KIZ: variants seen among roughly 807,000 people sequenced by gnomAD.
KIZ encodes kizuna centrosomal protein.
A neutral mutation model predicts 79.6 loss-of-function variants in KIZ; 68 were observed. That is an observed-to-expected ratio of 0.85 (90% confidence interval 0.70 to 1.05). The LOEUF is 1.05. Among genes scored for constraint, KIZ ranks in the 50% least tolerant of loss-of-function variants. The probability of loss-of-function intolerance (pLI) is 0.00; values close to 1 mark genes in which losing one functional copy is unlikely to be tolerated. For missense variants in KIZ, 797 were observed against 800.4 expected (o/e 1.00, Z 0.05); for synonymous variants, 280 against 281.8 (o/e 0.99, Z 0.06).
chr20:21,126,063 C>T (rs1473835786), upstream of KIZ: 4 of 1,405,222 alleles, frequency 2.8e-6, no homozygotes, highest in South Asian at 4.2e-5. Flanking sequence ...CTTCGGCAAC[C>T]CCGGCCGAAC....
At chr20:21,201,188 T>A (rs2035583463) in intron 6 of KIZ, among the ~76,000 whole-genome samples, 1 of 151,872 alleles carries the variant, frequency 6.6e-6, no homozygotes, top group African/African-American at 2.4e-5. Flanking sequence ...CAAAAAAAAA[T>A]AACAAAAAGT....
intron 4 of KIZ, among the ~76,000 whole-genome samples, chr20:21,155,757 T>C (rs1353011602): frequency 6.6e-6 from 1 of 152,264 alleles, no homozygotes; most frequent in Admixed American, 6.5e-5. Flanking sequence ...TGTTATGACA[T>C]AGTCTTTATT....
chr20:21,236,894 G>A (rs2037025245), intron 11 of KIZ, among the ~76,000 whole-genome samples: 1 of 151,844 alleles, frequency 6.6e-6, no homozygotes, highest in Admixed American at 6.6e-5. Context: ...CAGCTACTTG[G>A]GAGGATGAGG....
chr20:21,176,220 G>T (rs975250466), intron 6 of KIZ, among the ~76,000 whole-genome samples: 28 of 152,148 alleles, frequency 1.8e-4, no homozygotes, highest in African/African-American at 6.3e-4. Flanking sequence ...TGAGGCACAA[G>T]AATTGCCTGA....
chr20:21,164,404 A>C (rs138825199), intron 6 of KIZ, among the ~76,000 whole-genome samples: 1 of 152,356 alleles, frequency 6.6e-6, no homozygotes, highest in East Asian at 1.9e-4. Context: ...GATTTATTGG[A>C]GAGGCAAGCC....
rs149222912 is a variant in KIZ at position 21,232,951 on chromosome 20, T to C, written c.1880+121T>C. 2.0e-4 allele frequency: 127 copies of C among 630,588 alleles called. No homozygotes were observed. In the East Asian group the frequency reaches 3.1e-3, roughly 15 times the overall value. 39.1% of individuals were successfully genotyped at this position (630,588 alleles called of 1,614,324 possible). A position where few individuals can be genotyped will look rare whatever the true frequency, so the allele number is the denominator to read the frequency against. ...GACTTGGAGGGTTATGGTTTGGGTT[T>C]TTGTTTATCTAAAATAACAGTTGAA... On this transcript the variant is annotated intron_variant, in intron 11 of 12. Coordinates refer to ENST00000619189, the MANE Select transcript of KIZ (RefSeq NM_018474.6).
chr20:21,159,621 A>G (rs1246535820), intron 4 of KIZ, among the ~76,000 whole-genome samples: 1 of 152,148 alleles, frequency 6.6e-6, no homozygotes, highest in Non-Finnish European at 1.5e-5. Context: ...CTTACAGTAT[A>G]TGGTCTTTTA....
chr20:21,225,067 A>G (rs2036616916), intron 9 of KIZ, among the ~76,000 whole-genome samples: 2 of 152,328 alleles, frequency 1.3e-5, no homozygotes, highest in Middle Eastern at 3.4e-3. Context: ...TTATGTAACA[A>G]AGTAAGGGAA....
In KIZ at chr20:21,186,725, C is replaced by T. The variant is rs537776528; in HGVS notation, c.1353-18766C>T. ...ACTAAAATATATCTGAGAATCACTA[C>T]AGTAAAGAAAACAAACTCAAATCTA... On this transcript the variant is annotated intron_variant, in intron 6 of 12. Coordinates refer to ENST00000619189, the MANE Select transcript of KIZ (RefSeq NM_018474.6). Among the ~76,000 whole-genome samples, 201 of 151,884 alleles carry T rather than the reference C, an allele frequency of 1.3e-3. 1 individual carries two copies. Among genetic ancestry groups the T allele is most frequent in the Non-Finnish European group, 1.4e-3 (98 of 67,954 alleles).
In KIZ at chr20:21,163,082, T is replaced by C. The variant is rs770189707; in HGVS notation, c.1275T>C (p.Thr425=). 1.9e-5 allele frequency: 31 copies of C among 1,613,574 alleles called. No individual in the cohort carries two copies. The highest frequency in any genetic ancestry group is 1.3e-4 in the East Asian group (6 of 44,896). The change falls in exon 6 of 13, where the codon ACT becomes ACC. Residue 425 remains threonine, a synonymous_variant. Transcript: ENST00000619189. ...AGCAAGAAAGAGTTGCCCTATCCAC[T>C]GAAAAAAATTGTATTTTGCAAACCC... ...HAEQERVALS[T]EKNCILQTLS...
At chr20:21,127,404 T>C (rs2031550270) in intron 1 of KIZ, among the ~76,000 whole-genome samples, 1 of 152,244 alleles carries the variant, frequency 6.6e-6, no homozygotes, top group Non-Finnish European at 1.5e-5. Flanking sequence ...TTTTGAACTA[T>C]TAATTGTAAG....
intron 7 of KIZ, among the ~76,000 whole-genome samples, chr20:21,207,318 T>A (rs555239615): frequency 3.5e-4 from 54 of 152,240 alleles, no homozygotes; most frequent in Admixed American, 1.3e-3. Flanking sequence ...ACTTTTTTTT[T>A]ATAACATTTC....
chr20:21,169,004 A>G (rs980980524), intron 6 of KIZ, among the ~76,000 whole-genome samples: 5 of 152,328 alleles, frequency 3.3e-5, no homozygotes, highest in African/African-American at 1.2e-4. Flanking sequence ...AGGCAATACC[A>G]TTCAGGCCAT....
At chr20:21,232,229 C>T (rs2036857994) in intron 10 of KIZ, among the ~76,000 whole-genome samples, 1 of 152,184 alleles carries the variant, frequency 6.6e-6, no homozygotes, top group Non-Finnish European at 1.5e-5. Context: ...CCTCCTCAAC[C>T]TTTAGAGGCT....
At chr20:21,141,054 G>T (rs1049091412) in intron 3 of KIZ, among the ~76,000 whole-genome samples, 1 of 151,976 alleles carries the variant, frequency 6.6e-6, no homozygotes, top group South Asian at 2.1e-4. Context: ...ACCCAAGAAT[G>T]TAAATATTAG....
At chr20:21,148,160 C>G (rs2032944375) in intron 4 of KIZ, among the ~76,000 whole-genome samples, 1 of 151,934 alleles carries the variant, frequency 6.6e-6, no homozygotes, top group Admixed American at 6.6e-5. Context: ...GAATGGAGGA[C>G]CTGTATTGGG....
intron 7 of KIZ, among the ~76,000 whole-genome samples, chr20:21,208,797 C>T (rs1387251879): frequency 6.6e-6 from 1 of 152,036 alleles, no homozygotes. Context: ...CAAAATGATG[C>T]AGGCGGGGCA....
chr20:21,166,295 T>C (rs1395496609), intron 6 of KIZ: 1 of 1,602,616 alleles, frequency 6.2e-7, no homozygotes, highest in Non-Finnish European at 8.5e-7. Context: ...GTCAGTACAA[T>C]GAAACCAACT....
chr20:21,142,213 A>G (rs1232520721), intron 3 of KIZ, among the ~76,000 whole-genome samples: 2 of 152,178 alleles, frequency 1.3e-5, no homozygotes, highest in Non-Finnish European at 2.9e-5. Context: ...CTTCAATTAG[A>G]AGGCCTTTTT....
Sources: allele counts gnomAD v4.1 joint callset (sites outside exome capture counted in the v4.1 genomes callset), GRCh38; gene constraint gnomAD v4.1.1; transcripts MANE v1.5; gene names NCBI Gene and HGNC (gene_info 2026-07-23, HGNC 2026-07-21).